Variants in CD200R1 observed in about 807,000 individuals in gnomAD.
CD200R1 encodes the protein CD200 receptor 1, also known as cell surface glycoprotein CD200 receptor 1.
CD200R1 carries 30 observed loss-of-function variants against 38.1 expected under a neutral mutation model. The observed-to-expected ratio is 0.79, with a 90% CI of 0.59 to 1.07. The LOEUF (loss-of-function observed/expected upper bound fraction) is 1.07. Among genes scored for constraint, CD200R1 ranks in the 50% least tolerant of loss-of-function variants. The pLI is 0.00. For missense variants in CD200R1, 372 were observed against 415.4 expected, an observed-to-expected ratio of 0.90 and a Z score of 0.91; for synonymous variants, 128 against 152.1, an observed-to-expected ratio of 0.84 and a Z score of 1.16.
chr3:112,961,660 A>G (rs1160607011), intron 1 of CD200R1, among the ~76,000 whole-genome samples: 1 of 152,136 alleles, frequency 6.6e-6, no homozygotes, highest in Non-Finnish European at 1.5e-5. Context: ...GTCTGACTCT[A>G]GAGAGAATTT....
At chr3:112,967,922 G>T (rs1933208271) in intron 1 of CD200R1, among the ~76,000 whole-genome samples, 1 of 152,258 alleles carries the variant, frequency 6.6e-6, no homozygotes, top group South Asian at 2.1e-4. Context: ...TTTGCCCCAT[G>T]TATAAAATGA....
Position 112,929,518 on chromosome 3 carries a change from A to G in CD200R1, c.203-11T>C, listed in dbSNP as rs780627992. The G allele has an allele frequency of 1.3e-6, 2 of 1,589,302 alleles. No homozygotes were observed. Among genetic ancestry groups the G allele is most frequent in the Admixed American group, 1.8e-5 (1 of 55,086 alleles). On this transcript the variant is annotated splice_polypyrimidine_tract_variant and intron_variant, in intron 3 of 7. Transcript: ENST00000308611. ...GCCATGAAGTGTTAACTGGACATGA[A>G]AAGAGAATGATAAAAGAAAAGCTTG...
intron 1 of CD200R1, among the ~76,000 whole-genome samples, chr3:112,966,658 A>G (rs1350940054): frequency 6.6e-6 from 1 of 152,202 alleles, no homozygotes; most frequent in Non-Finnish European, 1.5e-5. Flanking sequence ...CCTTAAAACT[A>G]CATAAACACA....
chr3:112,931,102 T>C lies in CD200R1; in HGVS notation c.202+4A>G. On this transcript the variant is annotated splice_donor_region_variant and intron_variant, in intron 3 of 7. Coordinates refer to ENST00000308611, the MANE Select transcript of CD200R1 (RefSeq NM_138806.4). The stretch of plus-strand genomic sequence containing the variant: ...TGCTGGCCACTAGTAAGGAAGCATA[T>C]TACCTTCTGCGAGTACTTTCGAGTA... 6.2e-7 allele frequency: 1 copy of C among 1,604,516 alleles called. No individual in the cohort carries two copies. Among genetic ancestry groups the C allele is most frequent in the East Asian group, 2.2e-5 (1 of 44,810 alleles).
At chr3:112,954,765 A>G (rs1312036189) in intron 1 of CD200R1, among the ~76,000 whole-genome samples, 3 of 152,166 alleles carry the variant, frequency 2.0e-5, no homozygotes, top group Non-Finnish European at 4.4e-5. Flanking sequence ...TGCCCTATGC[A>G]CTTTTTCATC....
chr3:112,925,166 A>G lies in CD200R1; in HGVS notation c.797T>C (p.Leu266Ser). 1.2e-6 allele frequency: 2 copies of G among 1,600,886 alleles called. No individual in the cohort carries two copies. The highest frequency in any genetic ancestry group is 1.7e-6 in the Non-Finnish European group (2 of 1,169,890). Residue 266 changes from leucine to serine, a missense_variant, in exon 6 of 8, where the codon TTA (leucine) becomes TCA (serine). Leu to Ser is a moderately radical substitution (Grantham distance 145). Coordinates refer to ENST00000308611, the MANE Select transcript of CD200R1 (RefSeq NM_138806.4). Reference sequence around the variant, plus strand: ...AGTAAGGATGATATATGGAATATATAATTTTGCTGATTTTTTGGCACCTGG... The same window carrying G: ...AGTAAGGATGATATATGGAATATATGATTTTGCTGATTTTTTGGCACCTGG... ...PVPGAKKSAKLYIPYIILTII... is the reference protein window; with the variant it reads ...PVPGAKKSAKSYIPYIILTII...
rs781748240 is a variant in CD200R1 at position 112,923,798 on chromosome 3, T to C, written c.926A>G (p.Asp309Gly). The C allele has an allele frequency of 1.9e-6, 3 of 1,566,040 alleles. No homozygotes were observed. The East Asian group carries it at 6.9e-5, about 36-fold the overall frequency. ...GTAGCTGGCATAGGGCTGCATTTCA[T>C]CCTAAGAAAGAACTCAAAGTTAAAA... ...KTESTPVVEE[D>G]EMQPYASYTE... The change falls in exon 8 of 8, where the codon GAT becomes GGT. Residue 309 changes from aspartate to glycine, a missense_variant and splice_region_variant. Asp to Gly is a moderately conservative substitution (Grantham distance 94, BLOSUM62 -1). Coordinates refer to ENST00000308611, the MANE Select transcript of CD200R1 (RefSeq NM_138806.4).
chr3:112,931,026 G>C, intron 3 of CD200R1, 80 bp downstream of exon 3: 1 of 1,015,016 alleles, frequency 9.9e-7, no homozygotes, highest in Non-Finnish European at 1.6e-6. Flanking sequence ...CTGGCTTCCA[G>C]TCAGGTCATT....
In CD200R1 at chr3:112,948,034, A is replaced by C. The variant is rs141522487; in HGVS notation, c.68-110T>G. 4.8e-4 allele frequency: 355 copies of C among 738,368 alleles called. 3 individuals carry two copies. In the East Asian group the frequency reaches 9.5e-3, roughly 20 times the overall value. The allele number at this position is 738,368 out of a possible 1,614,324, so 45.7% of individuals were successfully genotyped here. A position where few individuals can be genotyped will look rare whatever the true frequency, so the allele number is the denominator to read the frequency against. ...ATTCTTCAGACTATTTTTGTATTGCAGTTGCCAATGAATATCTAAATTATG... is the reference window on the plus strand; with the variant it reads ...ATTCTTCAGACTATTTTTGTATTGCCGTTGCCAATGAATATCTAAATTATG... On this transcript the variant is annotated intron_variant, in intron 1 of 7. Coordinates refer to ENST00000308611, the MANE Select transcript of CD200R1 (RefSeq NM_138806.4).
Position 112,923,607 on chromosome 3 carries a change from G to T in CD200R1, c.*70C>A. The T allele has an allele frequency of 2.4e-6, 2 of 822,304 alleles. No individual in the cohort carries two copies. Among genetic ancestry groups the T allele is most frequent in the Non-Finnish European group, 4.0e-6 (2 of 505,214 alleles). The allele number at this position is 822,304 out of a possible 1,614,324, so 50.9% of individuals were successfully genotyped here. ...CAATATAAGTCTTCATTCTAGAACT[G>T]TAAGAAAATCAGACAGTAATTATAA... On this transcript the variant is annotated 3_prime_UTR_variant, in exon 8 of 8. Transcript: ENST00000308611.
In CD200R1 at chr3:112,929,012, C is replaced by T. The variant is rs201051709; in HGVS notation, c.573G>A (p.Lys191=). The part of the protein sequence containing the change: ...FQNRNRTAVC[K]AVAGKPAAHI... The stretch of plus-strand genomic sequence containing the variant: ...GCGCAGCTGGCTTCCCTGCAACTGC[C>T]TTGCATACTGCAGTTCTATTCCTGT... Residue 191 remains lysine (K), a synonymous_variant, in exon 5 of 8, where the codon AAG becomes AAA. Coordinates refer to ENST00000308611, the MANE Select transcript of CD200R1 (RefSeq NM_138806.4). 3.1e-6 allele frequency: 5 copies of T among 1,613,962 alleles called. No homozygotes were observed. In the East Asian group the frequency reaches 1.1e-4, roughly 36 times the overall value.
Position 112,921,447 on chromosome 3 carries a change from G to C in CD200R1, c.*2230C>G, listed in dbSNP as rs1016119633. 5 of 141,272 alleles carry C rather than the reference G, an allele frequency of 3.5e-5. No individual in the cohort carries two copies. The highest frequency in any genetic ancestry group is 8.2e-5 in the Non-Finnish European group (5 of 60,818). The allele number at this position is 141,272 out of a possible 1,614,324, so 8.8% of individuals were successfully genotyped here. A position where few individuals can be genotyped will look rare whatever the true frequency, so the allele number is the denominator to read the frequency against. ...TCAAATTATTAGAGATATTGAAAGA[G>C]AGAGAGACAGAGAAAGAGAGAGAAA... On this transcript the variant is annotated 3_prime_UTR_variant, in exon 8 of 8. Transcript: ENST00000308611.
At chr3:112,962,758 T>C (rs1933056103) in intron 1 of CD200R1, among the ~76,000 whole-genome samples, 1 of 152,360 alleles carries the variant, frequency 6.6e-6, no homozygotes, top group Non-Finnish European at 1.5e-5. Flanking sequence ...TTGCAGTCTC[T>C]GATGTTAGAG....
chr3:112,971,208 C>A (rs1015179769), intron 1 of CD200R1, among the ~76,000 whole-genome samples: 11 of 152,148 alleles, frequency 7.2e-5, no homozygotes, highest in Admixed American at 5.9e-4. Flanking sequence ...TACTTTCAAT[C>A]ATCTCTAGAT....
intron 1 of CD200R1, among the ~76,000 whole-genome samples, chr3:112,958,407 T>C (rs542916965): frequency 1.2e-4 from 18 of 152,222 alleles, no homozygotes; most frequent in Admixed American, 2.0e-4. Flanking sequence ...AAAATACTGC[T>C]ACTAATATAA....
chr3:112,948,040 C>T (rs901047586), intron 1 of CD200R1, 116 bp from the exon 2 acceptor site: 11 of 703,622 alleles, frequency 1.6e-5, no homozygotes, highest in African/African-American at 3.6e-5. Context: ...TTGCAGTTGC[C>T]AATGAATATC....
At chr3:112,937,290 TC>T (rs1940606872) in intron 2 of CD200R1, among the ~76,000 whole-genome samples, 1 of 152,124 alleles carries the variant, frequency 6.6e-6, no homozygotes, top group Non-Finnish European at 1.5e-5. Flanking sequence ...TTAAATTACC[TC>T]CCAGCAGGTC....
At chr3:112,934,826 A>G (rs1398681191) in intron 2 of CD200R1, among the ~76,000 whole-genome samples, 3 of 152,054 alleles carry the variant, frequency 2.0e-5, no homozygotes, top group Non-Finnish European at 4.4e-5. Flanking sequence ...GCGAAACTCC[A>G]TCTCAAAAAA....
intron 1 of CD200R1, among the ~76,000 whole-genome samples, chr3:112,954,106 T>C (rs1013345836): frequency 6.6e-6 from 1 of 152,170 alleles, no homozygotes; most frequent in Non-Finnish European, 1.5e-5. Flanking sequence ...CTGTATCCCA[T>C]AGGTCTTAGT....
Sources: gnomAD v4.1 joint callset for allele counts (sites outside exome capture counted in the v4.1 genomes callset) on GRCh38, gnomAD v4.1.1 for gene constraint, MANE v1.5 for transcripts, NCBI Gene and HGNC (gene_info 2026-07-23, HGNC 2026-07-21) for gene names.